ARHGAP10: variants seen among roughly 807,000 people sequenced by gnomAD.
ARHGAP10 encodes Rho GTPase activating protein 10.
ARHGAP10 carries 87 observed loss-of-function variants against 108.6 expected under a neutral mutation model. The observed-to-expected ratio is 0.80, with a 90% confidence interval of 0.67 to 0.96. The LOEUF is 0.96. Ranked by LOEUF, ARHGAP10 falls within the 40% of genes least tolerant of loss-of-function variation. The pLI, the probability that ARHGAP10 is intolerant of heterozygous loss-of-function variation, is 0.00. For missense variants in ARHGAP10, 939 were observed against 954.5 expected, an observed-to-expected ratio of 0.98 and a Z score of 0.21; for synonymous variants, 347 against 341.1, an observed-to-expected ratio of 1.02 and a Z score of -0.19.
chr4:147,996,385 T>C (rs772178649), intron 18 of ARHGAP10, among the ~76,000 whole-genome samples: 1 of 152,232 alleles, frequency 6.6e-6, no homozygotes, highest in Non-Finnish European at 1.5e-5. Flanking sequence ...TTTTGTTTCC[T>C]ACCCTCATAA....
chr4:148,072,097 C>T lies in ARHGAP10; in HGVS notation c.*16C>T, dbSNP rs1367487808. On this transcript the variant is annotated 3_prime_UTR_variant, in exon 23 of 23. Transcript: ENST00000336498. ...GCTGCTGTAGCTCCTGGCCTCAGAG[C>T]CCCTGCTGACCCTGGCACCCAGGGA... The T allele has an allele frequency of 6.2e-6, 10 of 1,603,622 alleles. No individual in the cohort carries two copies. Among genetic ancestry groups the T allele is most frequent in the Non-Finnish European group, 8.5e-6 (10 of 1,175,878 alleles).
At chr4:147,808,585 G>T (rs1445973327) in intron 1 of ARHGAP10, among the ~76,000 whole-genome samples, 1 of 152,086 alleles carries the variant, frequency 6.6e-6, no homozygotes, top group Non-Finnish European at 1.5e-5. Context: ...TGGGAGCAGA[G>T]TAATGTGTTC....
chr4:148,025,864 T>G (rs13115943), intron 19 of ARHGAP10, among the ~76,000 whole-genome samples: 35,646 of 152,010 alleles, frequency 0.23, 6,369 homozygotes, highest in African/African-American at 0.5. Context: ...ATCTAGTTTG[T>G]GTTAAAATAT....
At chr4:147,913,267 A>AC in intron 13 of ARHGAP10, 128 bp downstream of exon 13, 1 of 756,098 alleles carries the variant, frequency 1.3e-6, no homozygotes, top group Non-Finnish European at 2.2e-6. Context: ...CATTCTGAGT[A>AC]TCAGAAGGAT....
chr4:147,869,159 T>C (rs948686850), intron 7 of ARHGAP10, among the ~76,000 whole-genome samples: 1 of 152,036 alleles, frequency 6.6e-6, no homozygotes, highest in Non-Finnish European at 1.5e-5. Context: ...CAGAGGCATT[T>C]GATCATTAAA....
At chr4:147,784,289 T>C (rs1730710303) in intron 1 of ARHGAP10, among the ~76,000 whole-genome samples, 1 of 119,334 alleles carries the variant, frequency 8.4e-6, no homozygotes, top group African/African-American at 3.2e-5. Flanking sequence ...CATTAAATTA[T>C]ATAATTTACA....
intron 13 of ARHGAP10, among the ~76,000 whole-genome samples, chr4:147,928,525 A>G (rs907182100): frequency 6.6e-6 from 1 of 152,244 alleles, no homozygotes; most frequent in Non-Finnish European, 1.5e-5. Flanking sequence ...CGAACATGCC[A>G]GTGAAAGCAA....
At chr4:147,885,814 A>T (rs1735526576) in intron 10 of ARHGAP10, among the ~76,000 whole-genome samples, 1 of 152,164 alleles carries the variant, frequency 6.6e-6, no homozygotes, top group Admixed American at 6.5e-5. Context: ...TCATGGTTTC[A>T]CACTTGAAAG....
intron 1 of ARHGAP10, among the ~76,000 whole-genome samples, chr4:147,798,834 A>C (rs1731460660): frequency 3.6e-5 from 5 of 137,890 alleles, no homozygotes; most frequent in South Asian, 2.2e-4. Flanking sequence ...TTACCCCCCC[A>C]CGCTTGAAAA....
Position 147,755,082 on chromosome 4 carries a change from CAAAA to C in ARHGAP10, c.154+22639_154+22642del, listed in dbSNP as rs550063397. The stretch of plus-strand genomic sequence containing the variant: ...GGGCGACAAGAGTGAAACTCCGTCT[CAAAA>C]AAAAAAAAAAATTCTTTCAAAATGA... On this transcript the variant is annotated intron_variant, in intron 1 of 22. Transcript: ENST00000336498. Among the ~76,000 whole-genome samples, 11 of 103,748 alleles carry C rather than the reference CAAAA, an allele frequency of 1.1e-4. No individual in the cohort carries two copies. The South Asian group carries it at 3.0e-3, about 29-fold the overall frequency. The allele number at this position is 103,748 out of a possible 152,430, so 68.1% of individuals were successfully genotyped here.
intron 5 of ARHGAP10, 100 bp downstream of exon 5, chr4:147,857,754 A>C: frequency 1.9e-6 from 2 of 1,057,874 alleles, no homozygotes; most frequent in South Asian, 5.4e-5. Flanking sequence ...ATCTGGCATT[A>C]TATAGAGATA....
intron 18 of ARHGAP10, among the ~76,000 whole-genome samples, chr4:147,986,322 A>T (rs996247881): frequency 6.6e-6 from 1 of 152,196 alleles, no homozygotes; most frequent in African/African-American, 2.4e-5. Context: ...AGGTTATAGA[A>T]CTAAAAATGG....
At chr4:147,918,030 T>G (rs1737059768) in intron 13 of ARHGAP10, among the ~76,000 whole-genome samples, 1 of 152,194 alleles carries the variant, frequency 6.6e-6, no homozygotes, top group Non-Finnish European at 1.5e-5. Context: ...TTTTATAATC[T>G]TACTGCTTCT....
Position 147,863,441 on chromosome 4 carries a change from A to T in ARHGAP10, c.487-1405A>T, listed in dbSNP as rs565084720. The T allele has an allele frequency of 2.0e-5, 3 of 152,300 alleles. No individual in the cohort carries two copies. The East Asian group carries it at 5.8e-4, about 29-fold the overall frequency. The allele number at this position is 152,300 out of a possible 1,614,324, so 9.4% of individuals were successfully genotyped here. A position where few individuals can be genotyped will look rare whatever the true frequency, so the allele number is the denominator to read the frequency against. On this transcript the variant is annotated intron_variant, in intron 5 of 22. Coordinates refer to ENST00000336498, the MANE Select transcript of ARHGAP10 (RefSeq NM_024605.4). The stretch of plus-strand genomic sequence containing the variant: ...TGTATCAGAATTTCCTTCCTGTCTA[A>T]GGCTGAATAATATTCTGTTATACAT...
chr4:147,904,550 A>G lies in ARHGAP10; in HGVS notation c.1035-2088A>G, dbSNP rs191976911. On this transcript the variant is annotated intron_variant, in intron 10 of 22. Transcript: ENST00000336498. The stretch of plus-strand genomic sequence containing the variant: ...TTCCAATTTCATCCATGTCCCTACA[A>G]GGACATGAGCTCATCATTTTTTATG... Among the ~76,000 whole-genome samples the G allele has an allele frequency of 4.5e-3, 690 of 152,314 alleles. 5 individuals are homozygous for G. The highest frequency in any genetic ancestry group is 0.016 in the African/African-American group (665 of 41,572).
intron 18 of ARHGAP10, among the ~76,000 whole-genome samples, chr4:147,999,819 C>G (rs535935938): frequency 2.6e-5 from 4 of 152,254 alleles, no homozygotes; most frequent in African/African-American, 9.6e-5. Flanking sequence ...TGCCCTGCCC[C>G]CCTCGTTTAC....
At chr4:147,773,097 G>A (rs1325540279) in intron 1 of ARHGAP10, among the ~76,000 whole-genome samples, 1 of 152,008 alleles carries the variant, frequency 6.6e-6, no homozygotes, top group East Asian at 1.9e-4. Context: ...TTTCTTTGTT[G>A]GTAGAAGGGA....
intron 3 of ARHGAP10, among the ~76,000 whole-genome samples, chr4:147,831,697 G>T (rs186639643): frequency 6.6e-6 from 1 of 152,080 alleles, no homozygotes; most frequent in Non-Finnish European, 1.5e-5. Context: ...TCTTTTTCCC[G>T]TAAGCCTGTT....
At chr4:148,035,043 C>T (rs181140415) in intron 19 of ARHGAP10, among the ~76,000 whole-genome samples, 1 of 152,170 alleles carries the variant, frequency 6.6e-6, no homozygotes, top group Non-Finnish European at 1.5e-5. Flanking sequence ...AGATTTCCAT[C>T]GACCTTTGCA....
Sources: gnomAD v4.1 joint callset for allele counts (sites outside exome capture counted in the v4.1 genomes callset) on GRCh38, gnomAD v4.1.1 for gene constraint, MANE v1.5 for transcripts, NCBI Gene and HGNC (gene_info 2026-07-23, HGNC 2026-07-21) for gene names.